ST6GALNAC4: variants seen among roughly 807,000 people sequenced by gnomAD.
ST6GALNAC4 encodes the protein alpha-N-acetyl-neuraminyl-2,3-beta-galactosyl-1,3-N-acetyl-galactosaminide alpha-2,6-sialyltransferase.
A neutral mutation model predicts 30.4 loss-of-function variants in ST6GALNAC4; 24 were observed. The ratio of observed to expected loss-of-function variants is 0.79; its 90% CI spans 0.57 to 1.11. ST6GALNAC4 has a LOEUF of 1.11. Among genes scored for constraint, ST6GALNAC4 ranks in the 50% most tolerant of loss-of-function variants. The pLI is 0.00. For missense variants in ST6GALNAC4, 365 were observed against 430.1 expected (o/e 0.85, Z 1.34); for synonymous variants, 156 against 179.7 (o/e 0.87, Z 1.05).
At chr9:127,915,597 C>A (rs1385586063) in intron 2 of ST6GALNAC4, among the ~76,000 whole-genome samples, 1 of 152,288 alleles carries the variant, frequency 6.6e-6, no homozygotes, top group Non-Finnish European at 1.5e-5. Context: ...TTCTAGCCAT[C>A]TGGCCTAGAC....
At chr9:127,916,260 G>C in intron 2 of ST6GALNAC4, 148 bp downstream of exon 2, 1 of 1,016,362 alleles carries the variant, frequency 9.8e-7, no homozygotes, top group Non-Finnish European at 1.5e-6. Context: ...TGCAAGAACA[G>C]GGTTGGACTT....
chr9:127,914,050 A>G (rs1200788298), intron 3 of ST6GALNAC4, among the ~76,000 whole-genome samples: 1 of 152,096 alleles, frequency 6.6e-6, no homozygotes, highest in East Asian at 1.9e-4. Flanking sequence ...ACTGCACTCC[A>G]GCCTGGGTGA....
At chr9:127,910,460 C>G in intron 4 of ST6GALNAC4, 1 of 1,025,762 alleles carries the variant, frequency 9.7e-7, no homozygotes, top group Non-Finnish European at 1.2e-6. Flanking sequence ...CAAGGATCTT[C>G]CACTTGAACC....
At chr9:127,912,193 T>A in intron 4 of ST6GALNAC4, 75 bp downstream of exon 4, 8 of 1,531,536 alleles carry the variant, frequency 5.2e-6, no homozygotes, top group Non-Finnish European at 7.0e-6. Context: ...GAGCAGCCCC[T>A]GATGGACAAG....
At chr9:127,914,334 C>T (rs1473760967) in intron 3 of ST6GALNAC4, among the ~76,000 whole-genome samples, 1 of 139,054 alleles carries the variant, frequency 7.2e-6, no homozygotes, top group Non-Finnish European at 1.5e-5. Flanking sequence ...GCAGAGGTTG[C>T]GTGAGCTGAG....
chr9:127,909,550 G>GACAT (rs1554822153), intron 5 of ST6GALNAC4, among the ~76,000 whole-genome samples: 1 of 145,674 alleles, frequency 6.9e-6, no homozygotes, highest in Non-Finnish European at 1.5e-5. Flanking sequence ...ACATATCACT[G>GACAT]ATATATATAT....
Position 127,912,121 on chromosome 9 carries a change from G to C in ST6GALNAC4, c.611+147C>G, listed in dbSNP as rs977473288. The C allele has an allele frequency of 3.0e-6, 3 of 997,410 alleles. No individual in the cohort carries two copies. The South Asian group carries it at 5.1e-5, about 17-fold the overall frequency. The allele number at this position is 997,410 out of a possible 1,614,324, so 61.8% of individuals were successfully genotyped here. A position where few individuals can be genotyped will look rare whatever the true frequency, so the allele number is the denominator to read the frequency against. On this transcript the variant is annotated intron_variant, in intron 4 of 5. Transcript: ENST00000335791. ...CTGAGTGACATCCCCTCTGCCTCCTGCCCCCCATTAGAGGGCAGGACCATG... is the reference window on the plus strand; with the variant it reads ...CTGAGTGACATCCCCTCTGCCTCCTCCCCCCCATTAGAGGGCAGGACCATG...
intron 3 of ST6GALNAC4, 137 bp downstream of exon 3, chr9:127,914,519 A>AAAT: frequency 2.0e-6 from 1 of 490,182 alleles, no homozygotes; most frequent in Non-Finnish European, 3.3e-6. Context: ...AAAAAAAAAA[A>AAAT]GAACCTAGGG....
chr9:127,910,665 C>T, intron 4 of ST6GALNAC4: 1 of 962,630 alleles, frequency 1.0e-6, no homozygotes, highest in Non-Finnish European at 1.2e-6. Flanking sequence ...GAGGCAGCAG[C>T]CCTGGGTACT....
chr9:127,910,839 A>T (rs190970583), intron 4 of ST6GALNAC4, among the ~76,000 whole-genome samples: 70 of 152,356 alleles, frequency 4.6e-4, no homozygotes, highest in Non-Finnish European at 1.2e-4. Context: ...AGAAAAATAG[A>T]TAAACAAGTA....
At chr9:127,916,542 G>A in intron 1 of ST6GALNAC4, 48 bp from the exon 2 acceptor site, 2 of 1,198,624 alleles carry the variant, frequency 1.7e-6, no homozygotes, top group Non-Finnish European at 2.5e-6. Flanking sequence ...GGCAGGTGGG[G>A]TTCTAAGCTA....
At chr9:127,908,839 C>T (rs1831003071) in intron 5 of ST6GALNAC4, among the ~76,000 whole-genome samples, 1 of 152,172 alleles carries the variant, frequency 6.6e-6, no homozygotes, top group South Asian at 2.1e-4. Flanking sequence ...GTGTAAAACG[C>T]AGATGGTCAC....
intron 3 of ST6GALNAC4, among the ~76,000 whole-genome samples, chr9:127,914,009 G>A (rs1388212285): frequency 6.6e-6 from 1 of 152,210 alleles, no homozygotes; most frequent in Non-Finnish European, 1.5e-5. Context: ...GAATCCGGCA[G>A]GTGGAGGTTG....
intron 2 of ST6GALNAC4, among the ~76,000 whole-genome samples, chr9:127,915,326 C>T (rs1003576356): frequency 2.2e-4 from 33 of 152,020 alleles, no homozygotes; most frequent in African/African-American, 7.5e-4. Context: ...CACATGACAA[C>T]GGGAAAGTGG....
chr9:127,914,492 A>C (rs1831149294), intron 3 of ST6GALNAC4, among the ~76,000 whole-genome samples, 164 bp downstream of exon 3: 1 of 136,128 alleles, frequency 7.3e-6, no homozygotes, highest in East Asian at 2.0e-4. Context: ...CTCCGTCTCA[A>C]AAAAAAAAAA....
rs992309449 is a variant in ST6GALNAC4 at position 127,916,326 on chromosome 9, G to C, written c.12+82C>G. ...GTAGGGAGGTCAGAAGTGGCAGTGG[G>C]TCCTGGGGTGGAGAGGCTGCTGAGC... On this transcript the variant is annotated intron_variant, in intron 2 of 5. Transcript: ENST00000335791. 41 of 1,587,988 alleles carry C rather than the reference G, an allele frequency of 2.6e-5. No homozygotes were observed. The African/African-American group carries it at 5.4e-4, about 21-fold the overall frequency.
chr9:127,915,435 T>G (rs537708569), intron 2 of ST6GALNAC4, among the ~76,000 whole-genome samples: 6 of 152,096 alleles, frequency 3.9e-5, no homozygotes, highest in Non-Finnish European at 5.9e-5. Context: ...GGCTGTCCCC[T>G]GGTGATCCGG....
chr9:127,914,905 G>A (rs938277437), intron 2 of ST6GALNAC4, 64 bp from the exon 3 acceptor site: 18 of 1,372,370 alleles, frequency 1.3e-5, no homozygotes, highest in South Asian at 6.6e-5. Flanking sequence ...CCCCTTCAGC[G>A]CTGCACCTGG....
intron 2 of ST6GALNAC4, among the ~76,000 whole-genome samples, chr9:127,915,049 T>C (rs1050834795): frequency 6.6e-6 from 1 of 152,122 alleles, no homozygotes; most frequent in Non-Finnish European, 1.5e-5. Flanking sequence ...AACACTGTTA[T>C]CATCCCCACA....
Sources: allele counts gnomAD v4.1 joint callset (sites outside exome capture counted in the v4.1 genomes callset), GRCh38; gene constraint gnomAD v4.1.1; transcripts MANE v1.5; gene names NCBI Gene and HGNC (gene_info 2026-07-23, HGNC 2026-07-21).